Variants in RNF180 observed in about 807,000 individuals in gnomAD.
RNF180 encodes ring finger protein 180.
In RNF180, 38 loss-of-function variants were observed where a neutral mutation model predicts 59.2. That is an observed-to-expected ratio of 0.64 (90% CI 0.50 to 0.84). The LOEUF is 0.84. Ranked by LOEUF, RNF180 falls within the 40% of genes least tolerant of loss-of-function variation. RNF180 has a pLI of 0.00. For synonymous variants in RNF180, 262 were observed against 240.3 expected (o/e 1.09, Z -0.84); for missense variants, 705 against 700.9 (o/e 1.01, Z -0.07).
intron 7 of RNF180, among the ~76,000 whole-genome samples, chr5:64,346,617 G>A (rs913978289): frequency 7.2e-5 from 11 of 151,790 alleles, no homozygotes; most frequent in Admixed American, 1.3e-4. Context: ...TGATCCACCC[G>A]CCTCGGCCTC....
chr5:64,224,274 G>A (rs1741535738), intron 5 of RNF180, among the ~76,000 whole-genome samples: 1 of 152,142 alleles, frequency 6.6e-6, no homozygotes, highest in African/African-American at 2.4e-5. Flanking sequence ...GGGAAAGACA[G>A]CTGATTTCAG....
intron 2 of RNF180, among the ~76,000 whole-genome samples, chr5:64,204,077 G>T (rs998657503): frequency 1.6e-4 from 25 of 152,108 alleles, no homozygotes; most frequent in African/African-American, 6.0e-4. Flanking sequence ...ATTACACTGT[G>T]ATTATTCTGG....
chr5:64,347,791 CTG>C (rs1745612446), intron 7 of RNF180, among the ~76,000 whole-genome samples: 1 of 152,030 alleles, frequency 6.6e-6, no homozygotes, highest in South Asian at 2.1e-4. Context: ...AGTGTCAGGA[CTG>C]TGTTATTAAC....
chr5:64,370,842 G>A lies in RNF180; in HGVS notation c.*1028G>A, dbSNP rs1746634927. On this transcript the variant is annotated 3_prime_UTR_variant, in exon 8 of 8. Coordinates refer to ENST00000389100, the MANE Select transcript of RNF180 (RefSeq NM_001113561.2). The stretch of plus-strand genomic sequence containing the variant: ...TAAGCTTATTTATTCAGTTATTCTG[G>A]TGGTCTTTGTGAAACCTGGGACAAA... The A allele has an allele frequency of 6.6e-6, 1 of 151,628 alleles. No individual in the cohort carries two copies. The highest frequency in any genetic ancestry group is 2.4e-5 in the African/African-American group (1 of 41,460). 9.4% of individuals were successfully genotyped at this position (151,628 alleles called of 1,614,324 possible).
intron 7 of RNF180, among the ~76,000 whole-genome samples, chr5:64,343,923 A>G (rs987205616): frequency 2.6e-5 from 4 of 151,548 alleles, no homozygotes; most frequent in Non-Finnish European, 4.4e-5. Context: ...GATACCTGAA[A>G]TGTCTTTATT....
intron 5 of RNF180, among the ~76,000 whole-genome samples, chr5:64,314,851 A>G (rs1372271729): frequency 1.3e-5 from 2 of 152,188 alleles, no homozygotes; most frequent in Non-Finnish European, 2.9e-5. Context: ...TGCAGTCAGA[A>G]AAAGGGGATA....
intron 1 of RNF180, among the ~76,000 whole-genome samples, chr5:64,176,211 G>A (rs991857487): frequency 5.9e-5 from 9 of 152,050 alleles, no homozygotes; most frequent in Middle Eastern, 3.4e-3. Flanking sequence ...TTGGTAGGTC[G>A]TATATATCTA....
chr5:64,351,125 A>G (rs1269711525), intron 7 of RNF180, among the ~76,000 whole-genome samples: 4 of 151,908 alleles, frequency 2.6e-5, no homozygotes, highest in Non-Finnish European at 4.4e-5. Flanking sequence ...GGTCCTTCAC[A>G]TCCCTTGTAA....
intron 6 of RNF180, among the ~76,000 whole-genome samples, chr5:64,327,381 A>G (rs1296747244): frequency 6.6e-6 from 1 of 151,804 alleles, no homozygotes; most frequent in Non-Finnish European, 1.5e-5. Flanking sequence ...TCATTAGGTC[A>G]TTTATTTGAA....
chr5:64,305,807 C>T (rs1270259648), intron 5 of RNF180, among the ~76,000 whole-genome samples: 1 of 151,454 alleles, frequency 6.6e-6, no homozygotes, highest in African/African-American at 2.4e-5. Context: ...TTAGTGACTT[C>T]TTAACTAAGG....
intron 5 of RNF180, among the ~76,000 whole-genome samples, chr5:64,289,347 G>A (rs1219180914): frequency 6.6e-6 from 1 of 152,052 alleles, no homozygotes; most frequent in Admixed American, 6.6e-5. Flanking sequence ...TTGGCCTGAA[G>A]TTTCCTGTTT....
intron 5 of RNF180, among the ~76,000 whole-genome samples, chr5:64,302,345 G>T (rs1338489448): frequency 6.6e-6 from 1 of 151,484 alleles, no homozygotes; most frequent in Non-Finnish European, 1.5e-5. Flanking sequence ...TATTTTTTTA[G>T]TTCGGATTCT....
chr5:64,260,696 G>A (rs555168536), intron 5 of RNF180, among the ~76,000 whole-genome samples: 1 of 152,100 alleles, frequency 6.6e-6, no homozygotes, highest in African/African-American at 2.4e-5. Flanking sequence ...TCAATTTAGG[G>A]TTGAACCATG....
intron 5 of RNF180, among the ~76,000 whole-genome samples, chr5:64,298,555 C>T (rs532688996): frequency 2.0e-5 from 3 of 152,094 alleles, no homozygotes; most frequent in Admixed American, 2.0e-4. Context: ...AATATAATGC[C>T]TTATTCTGCA....
intron 5 of RNF180, among the ~76,000 whole-genome samples, chr5:64,268,318 T>C (rs1033419763): frequency 3.3e-5 from 5 of 152,202 alleles, no homozygotes; most frequent in African/African-American, 4.8e-5. Context: ...GTGTATTCTC[T>C]TCCAGCCAGA....
intron 5 of RNF180, among the ~76,000 whole-genome samples, chr5:64,229,312 C>A (rs568129643): frequency 2.6e-5 from 4 of 152,294 alleles, no homozygotes; most frequent in African/African-American, 9.6e-5. Flanking sequence ...TTGTGACCCT[C>A]TCTGAAGTGC....
At chr5:64,295,431 T>C (rs892847774) in intron 5 of RNF180, among the ~76,000 whole-genome samples, 1 of 152,214 alleles carries the variant, frequency 6.6e-6, no homozygotes, top group African/African-American at 2.4e-5. Context: ...CATGAGGAGA[T>C]GGGCCTCAGA....
At chr5:64,262,337 T>C (rs566948247) in intron 5 of RNF180, among the ~76,000 whole-genome samples, 4 of 152,284 alleles carry the variant, frequency 2.6e-5, no homozygotes, top group African/African-American at 7.2e-5. Context: ...AGACCATCAA[T>C]TAATGCATCT....
intron 5 of RNF180, among the ~76,000 whole-genome samples, chr5:64,296,053 G>A (rs1337826480): frequency 6.6e-6 from 1 of 152,176 alleles, no homozygotes; most frequent in African/African-American, 2.4e-5. Flanking sequence ...ATTGGTGTAT[G>A]TATAGTAGGT....
Sources: allele counts gnomAD v4.1 joint callset (sites outside exome capture counted in the v4.1 genomes callset), GRCh38; gene constraint gnomAD v4.1.1; transcripts MANE v1.5; gene names NCBI Gene and HGNC (gene_info 2026-07-23, HGNC 2026-07-21).